Variants in ADAM20 observed in about 807,000 individuals in gnomAD.
ADAM20 encodes the protein disintegrin and metalloproteinase domain-containing protein 20.
For missense variants in ADAM20, 871 were observed against 883.2 expected (o/e 0.99, Z 0.18); for synonymous variants, 305 against 310.2 (o/e 0.98, Z 0.18).
At chr14:70,545,795 T>C in the ADAM20 span, among the ~76,000 whole-genome samples, 1 of 152,212 alleles carries the variant, frequency 6.6e-6, no homozygotes, top group African/African-American at 2.4e-5. Context: ...ACTTTCAGCA[T>C]TGGACAGATC....
chr14:70,534,493 A>G (rs1883788812), intron 1 of ADAM20, among the ~76,000 whole-genome samples: 1 of 152,220 alleles, frequency 6.6e-6, no homozygotes, highest in South Asian at 2.1e-4. Flanking sequence ...GGCCCAAAAA[A>G]GGAAGGAAAT....
At position 70,522,409 on chromosome 14, in the gene ADAM20, G is replaced by A; in HGVS notation, c.*168C>T. 1 of 702,076 alleles carries A rather than the reference G, an allele frequency of 1.4e-6. No individual in the cohort carries two copies. The highest frequency in any genetic ancestry group is 2.3e-6 in the Non-Finnish European group (1 of 435,874). 43.5% of individuals were successfully genotyped at this position (702,076 alleles called of 1,614,324 possible). On this transcript the variant is annotated 3_prime_UTR_variant, in exon 2 of 2. Transcript: ENST00000256389. ...GCTTAAGACACTGTAGAGTAAGTAAGAATAGGCTAGGAATCCTTTGCTGTG... is the reference window on the plus strand; with the variant it reads ...GCTTAAGACACTGTAGAGTAAGTAAAAATAGGCTAGGAATCCTTTGCTGTG...
the ADAM20 span, among the ~76,000 whole-genome samples, chr14:70,557,812 C>T: frequency 3.8e-4 from 58 of 151,524 alleles, no homozygotes; most frequent in Non-Finnish European, 6.5e-4. Flanking sequence ...TTATGTGTGG[C>T]CCAAGATAAT....
chr14:70,522,841 G>A lies in ADAM20; in HGVS notation c.1917C>T (p.Thr639=). ...TGTTGCAGATTCCCCTCATGTTGCA[G>A]GTCTTAGGCTGACAGGCTTGTGACA... is the stretch of plus-strand genomic sequence containing the variant. ...VHLSQACQPK[T]CNMRGICNNK... Residue 639 remains threonine, a synonymous_variant, in exon 2 of 2, where the codon ACC becomes ACT. Coordinates refer to ENST00000256389, the MANE Select transcript of ADAM20 (RefSeq NM_003814.5). The A allele has an allele frequency of 6.2e-7, 1 of 1,614,076 alleles. No homozygotes were observed. Among genetic ancestry groups the A allele is most frequent in the South Asian group, 1.1e-5 (1 of 91,084 alleles).
the ADAM20 span, among the ~76,000 whole-genome samples, chr14:70,572,113 G>C: frequency 6.6e-6 from 1 of 152,058 alleles, no homozygotes; most frequent in African/African-American, 2.4e-5. Flanking sequence ...ATTTTTCACA[G>C]CACTACAAAA....
the ADAM20 span, among the ~76,000 whole-genome samples, chr14:70,542,305 G>A: frequency 6.6e-6 from 1 of 152,160 alleles, no homozygotes; most frequent in Non-Finnish European, 1.5e-5. Context: ...TCTTTTACAA[G>A]AGGACACAAT....
At chr14:70,576,285 G>C in the ADAM20 span, among the ~76,000 whole-genome samples, 2 of 152,050 alleles carry the variant, frequency 1.3e-5, no homozygotes, top group African/African-American at 4.8e-5. Flanking sequence ...TTAGAAGGGG[G>C]CATAACAGCT....
chr14:70,533,596 G>T (rs941574967), intron 1 of ADAM20, among the ~76,000 whole-genome samples: 1 of 152,068 alleles, frequency 6.6e-6, no homozygotes, highest in Non-Finnish European at 1.5e-5. Flanking sequence ...ACCAATGCTT[G>T]TTGAGGGATG....
At chr14:70,529,534 G>A (rs1883664788) in intron 1 of ADAM20, among the ~76,000 whole-genome samples, 1 of 152,120 alleles carries the variant, frequency 6.6e-6, no homozygotes, top group African/African-American at 2.4e-5. Context: ...GGGCTATATT[G>A]GATAGCCTAT....
rs756400114 is a variant in ADAM20 at position 70,524,904 on chromosome 14, C to T, written c.-147G>A. ...GGATCTGTGTCCTGGTGGAGCTGGACCATCAGAGCTGCAGTGCTGAAAATA... is the reference window on the plus strand; with the variant it reads ...GGATCTGTGTCCTGGTGGAGCTGGATCATCAGAGCTGCAGTGCTGAAAATA... On this transcript the variant is annotated 5_prime_UTR_variant, in exon 2 of 2. Coordinates refer to ENST00000256389, the MANE Select transcript of ADAM20 (RefSeq NM_003814.5). 6.9e-6 allele frequency: 11 copies of T among 1,605,580 alleles called. No individual in the cohort carries two copies. Among genetic ancestry groups the T allele is most frequent in the South Asian group, 6.7e-5 (6 of 90,104 alleles).
At position 70,524,944 on chromosome 14, in the gene ADAM20, C is replaced by T. The variant is rs1883556754; in HGVS notation, c.-176-11G>A. The T allele has an allele frequency of 6.4e-7, 1 of 1,550,408 alleles. No homozygotes were observed. ...TGCTGAAAATAAAAACTGAAAGAGC[C>T]AGGATGGGGTGGGTGGGATAGAAAG... is the stretch of plus-strand genomic sequence containing the variant. On this transcript the variant is annotated splice_polypyrimidine_tract_variant and intron_variant, in intron 1 of 1. Coordinates refer to ENST00000256389, the MANE Select transcript of ADAM20 (RefSeq NM_003814.5).
chr14:70,530,083 C>A (rs1883679040), intron 1 of ADAM20, among the ~76,000 whole-genome samples: 2 of 152,128 alleles, frequency 1.3e-5, no homozygotes, highest in African/African-American at 4.8e-5. Flanking sequence ...GAGTTTGAAA[C>A]CAGCCTGGAC....
At chr14:70,544,108 C>T in the ADAM20 span, among the ~76,000 whole-genome samples, 6 of 151,942 alleles carry the variant, frequency 3.9e-5, no homozygotes, top group Admixed American at 6.6e-5. Context: ...ACCTCCCCTC[C>T]GACCAGAGAC....
At position 70,522,461 on chromosome 14, in the gene ADAM20, G is replaced by T; in HGVS notation, c.*116C>A. 1 of 1,073,454 alleles carries T rather than the reference G, an allele frequency of 9.3e-7. No individual in the cohort carries two copies. Among genetic ancestry groups the T allele is most frequent in the Non-Finnish European group, 1.3e-6 (1 of 767,078 alleles). The allele number at this position is 1,073,454 out of a possible 1,614,324, so 66.5% of individuals were successfully genotyped here. A position where few individuals can be genotyped will look rare whatever the true frequency, so the allele number is the denominator to read the frequency against. ...TAGCTAATGCTTGCAATCCTGACAT[G>T]AAATGTCCATGAAGTTTTATTTAAA... On this transcript the variant is annotated 3_prime_UTR_variant, in exon 2 of 2. Transcript: ENST00000256389.
chr14:70,541,075 G>A, the ADAM20 span, among the ~76,000 whole-genome samples: 16 of 152,048 alleles, frequency 1.1e-4, no homozygotes, highest in East Asian at 7.7e-4. Context: ...ACAGGTGTGC[G>A]CCACCACGCC....
intron 1 of ADAM20, among the ~76,000 whole-genome samples, chr14:70,534,097 A>C (rs868645848): frequency 4.0e-5 from 6 of 149,346 alleles, no homozygotes; most frequent in Admixed American, 1.3e-4. Context: ...AAAAAAAAAA[A>C]AAAAAAAAAA....
chr14:70,554,609 C>T, the ADAM20 span, among the ~76,000 whole-genome samples: 1 of 152,276 alleles, frequency 6.6e-6, no homozygotes, highest in Admixed American at 6.5e-5. Context: ...TACAACAACA[C>T]AGATAAACCT....
chr14:70,533,651 G>A (rs1883763961), intron 1 of ADAM20, among the ~76,000 whole-genome samples: 1 of 152,012 alleles, frequency 6.6e-6, no homozygotes, highest in African/African-American at 2.4e-5. Flanking sequence ...CCTAATGCAT[G>A]TGGGTCTTAA....
intron 1 of ADAM20, among the ~76,000 whole-genome samples, chr14:70,525,551 T>G (rs1477762553): frequency 2.6e-5 from 4 of 152,170 alleles, no homozygotes; most frequent in Non-Finnish European, 4.4e-5. Flanking sequence ...CACTGGATTC[T>G]GACACAAATC....
Sources: allele counts gnomAD v4.1 joint callset (sites outside exome capture counted in the v4.1 genomes callset), GRCh38; gene constraint gnomAD v4.1.1; transcripts MANE v1.5; gene names NCBI Gene and HGNC (gene_info 2026-07-23, HGNC 2026-07-21).